The following OTOF variants were observed in gnomAD, a reference collection of about 807,000 sequenced individuals.
OTOF encodes fer-1-like family member 2.
A neutral mutation model predicts 236.8 loss-of-function variants in OTOF; 218 were observed. That is an observed-to-expected ratio of 0.92 (90% confidence interval 0.82 to 1.03). The LOEUF (loss-of-function observed/expected upper bound fraction) is 1.03, where lower values mean the gene tolerates loss of function less well. Among genes scored for constraint, OTOF ranks in the 50% least tolerant of loss-of-function variants. The probability of loss-of-function intolerance (pLI) is 0.00; values close to 1 mark genes in which losing one functional copy is unlikely to be tolerated. For synonymous variants in OTOF, 1,041 were observed against 1,072.5 expected, an observed-to-expected ratio of 0.97 and a Z score of 0.57; for missense variants, 2,590 against 2,694.4, an observed-to-expected ratio of 0.96 and a Z score of 0.86.
chr2:26,463,873 G>C (rs146385222), intron 40 of OTOF, 91 bp downstream of exon 40: 1 of 1,544,260 alleles, frequency 6.5e-7, no homozygotes, highest in Non-Finnish European at 8.9e-7. Context: ...AGCGGACAGC[G>C]TGAGGCCTGG....
In OTOF at chr2:26,494,944, CGTT is replaced by C. The variant is rs1665943480; in HGVS notation, c.892_894del (p.Asn298del). 1 of 1,614,112 alleles carries C rather than the reference CGTT, an allele frequency of 6.2e-7. No individual in the cohort carries two copies. Among genetic ancestry groups the C allele is most frequent in the Non-Finnish European group, 8.5e-7 (1 of 1,179,980 alleles). On this transcript the variant is annotated inframe_deletion, in exon 9 of 47. Transcript: ENST00000272371. ...CCTTTCCCCACAGGGCCACTGACCT[CGTT>C]GTAATAGGGGCAGTTAGTGGACTCC...
chr2:26,527,154 A>G lies in OTOF; in HGVS notation c.227+678T>C, dbSNP rs565894583. ...ACTTCACTTGTGGAGTGCAAGCTCC[A>G]TGAAGGTAGGCACCCCGCCCTCTGC... On this transcript the variant is annotated intron_variant, in intron 3 of 46. Transcript: ENST00000272371. 4.6e-5 allele frequency among the ~76,000 whole-genome samples: 7 copies of G among 152,354 alleles called. No individual in the cohort carries two copies. In the South Asian group the frequency reaches 1.5e-3, roughly 32 times the overall value.
chr2:26,503,880 G>C (rs1250668554), intron 5 of OTOF, 35 bp from the exon 6 acceptor site: 1 of 1,585,040 alleles, frequency 6.3e-7, no homozygotes, highest in East Asian at 2.2e-5. Flanking sequence ...GGTGCAGGGA[G>C]AGGGACGCAT....
intron 46 of OTOF, 109 bp from the exon 47 acceptor site, chr2:26,458,329 C>T (rs1348827187): frequency 2.6e-6 from 3 of 1,159,678 alleles, no homozygotes; most frequent in South Asian, 2.6e-5. Context: ...TGGCCCCAGC[C>T]CCAAAAGCAG....
intron 33 of OTOF, among the ~76,000 whole-genome samples, chr2:26,468,000 G>C (rs923244008): frequency 1.3e-5 from 2 of 152,116 alleles, no homozygotes; most frequent in African/African-American, 4.8e-5. Flanking sequence ...CACAGTAAAG[G>C]GTATGAAAAG....
Position 26,480,974 on chromosome 2 carries a change from T to C in OTOF, c.1615A>G (p.Met539Val), listed in dbSNP as rs1665525322. The C allele has an allele frequency of 6.2e-7, 1 of 1,610,136 alleles. No homozygotes were observed. Among genetic ancestry groups the C allele is most frequent in the Non-Finnish European group, 8.5e-7 (1 of 1,178,864 alleles). Residue 539 changes from methionine (M) to valine (V), a missense_variant, in exon 15 of 47, where the codon ATG becomes GTG. Physicochemically the swap from Met to Val is conservative, Grantham distance 21. Around this residue, in one of 2 missense-constraint regions of OTOF, gnomAD observed 1,379 missense variants for 1,341.6 expected, o/e 1.03. Coordinates refer to ENST00000272371, the MANE Select transcript of OTOF (RefSeq NM_194248.3). Reference protein sequence around the residue: ...LPTLGPAWVNMYGSTRNYTLL... With the variant: ...LPTLGPAWVNVYGSTRNYTLL... ...GTGTAGTTACGTGTGGAGCCGTACA[T>C]GTTCACCCAGGCTGGGCCCAGTGTG...
At chr2:26,465,345 A>G (rs1299684259) in intron 38 of OTOF, among the ~76,000 whole-genome samples, 1 of 152,204 alleles carries the variant, frequency 6.6e-6, no homozygotes, top group Non-Finnish European at 1.5e-5. Flanking sequence ...GGACTTGGCC[A>G]GGGTCACACA....
chr2:26,496,603 C>T (rs1230624998), intron 8 of OTOF, among the ~76,000 whole-genome samples: 1 of 151,880 alleles, frequency 6.6e-6, no homozygotes, highest in African/African-American at 2.4e-5. Flanking sequence ...GAGAGAGAGC[C>T]AGAGCACCAG....
At chr2:26,517,702 A>T (rs1018906074) in intron 4 of OTOF, among the ~76,000 whole-genome samples, 5 of 152,116 alleles carry the variant, frequency 3.3e-5, no homozygotes, top group African/African-American at 9.7e-5. Context: ...CCTGCTGTCA[A>T]CTGTGGCCGA....
At chr2:26,531,899 G>T (rs1358340394) in intron 2 of OTOF, among the ~76,000 whole-genome samples, 3 of 152,044 alleles carry the variant, frequency 2.0e-5, no homozygotes, top group African/African-American at 7.3e-5. Flanking sequence ...TTTGATACCA[G>T]CCTGGCCAAC....
chr2:26,503,693 C>T (rs1243895724), intron 6 of OTOF, 79 bp downstream of exon 6: 32 of 1,311,188 alleles, frequency 2.4e-5, no homozygotes, highest in Non-Finnish European at 3.0e-5. Context: ...GGCCTTTTGG[C>T]AGCCGGGCAG....
At chr2:26,466,155 G>T in intron 36 of OTOF, 79 bp from the exon 37 acceptor site, 2 of 1,580,598 alleles carry the variant, frequency 1.3e-6, no homozygotes, top group Non-Finnish European at 1.7e-6. Context: ...CTGCCTGAGG[G>T]TCCTATGACA....
intron 33 of OTOF, 117 bp from the exon 34 acceptor site, chr2:26,467,618 G>T: frequency 7.9e-7 from 1 of 1,265,738 alleles, no homozygotes; most frequent in Non-Finnish European, 1.1e-6. Flanking sequence ...ATGTCCATGT[G>T]CTGTCAAATG....
intron 1 of OTOF, among the ~76,000 whole-genome samples, chr2:26,541,081 C>T (rs1667202560): frequency 6.6e-6 from 1 of 152,124 alleles, no homozygotes; most frequent in African/African-American, 2.4e-5. Context: ...GCCTTTGCAT[C>T]CTAGAAGATT....
At chr2:26,503,442 C>T (rs1180049936) in intron 6 of OTOF, among the ~76,000 whole-genome samples, 1 of 152,252 alleles carries the variant, frequency 6.6e-6, no homozygotes, top group African/African-American at 2.4e-5. Context: ...GGTTTCCCCC[C>T]AGAAATAGGG....
intron 30 of OTOF, chr2:26,472,281 ACAC>A: frequency 3.5e-6 from 2 of 572,350 alleles, no homozygotes; most frequent in South Asian, 1.9e-5. Flanking sequence ...GCACATATGC[ACAC>A]CACACACATG....
intron 1 of OTOF, among the ~76,000 whole-genome samples, chr2:26,549,169 C>T (rs1465794513): frequency 2.3e-4 from 35 of 151,870 alleles, no homozygotes; most frequent in Admixed American, 2.3e-3. Context: ...CATTAATTTC[C>T]AAATATTTGG....
At chr2:26,549,648 G>C (rs1162913814) in intron 1 of OTOF, among the ~76,000 whole-genome samples, 1 of 152,120 alleles carries the variant, frequency 6.6e-6, no homozygotes, top group Admixed American at 6.5e-5. Flanking sequence ...AACCCACCCT[G>C]CTAACATCCA....
intron 5 of OTOF, among the ~76,000 whole-genome samples, chr2:26,513,143 G>T (rs1666431404): frequency 6.6e-6 from 1 of 152,198 alleles, no homozygotes; most frequent in Admixed American, 6.5e-5. Flanking sequence ...GGTGGGGTTG[G>T]TGGTCATTCA....
Sources: gnomAD v4.1 joint callset for allele counts (sites outside exome capture counted in the v4.1 genomes callset) on GRCh38, gnomAD v4.1.1 for gene constraint, gnomAD v4.1.1 regional missense constraint, MANE v1.5 for transcripts, NCBI Gene and HGNC (gene_info 2026-07-23, HGNC 2026-07-21) for gene names.